Variants in CFAP74 observed in about 807,000 individuals in gnomAD.
The protein encoded by CFAP74 is cilia- and flagella-associated protein 74.
A neutral mutation model predicts 188.9 loss-of-function variants in CFAP74; 124 were observed. That is an observed-to-expected ratio of 0.66 (90% CI 0.57 to 0.76). CFAP74 has a LOEUF of 0.76. Among genes scored for constraint, CFAP74 ranks in the 30% least tolerant of loss-of-function variants. The probability of loss-of-function intolerance (pLI) is 0.00; values close to 1 mark genes in which losing one functional copy is unlikely to be tolerated. For missense variants in CFAP74, 2,198 were observed against 2,165.2 expected, an observed-to-expected ratio of 1.02 and a Z score of -0.30; for synonymous variants, 956 against 916.7, an observed-to-expected ratio of 1.04 and a Z score of -0.77.
At chr1:1,946,047 GTGTGTGCA>G (rs1558011352) in intron 20 of CFAP74, among the ~76,000 whole-genome samples, 5 of 152,148 alleles carry the variant, frequency 3.3e-5, no homozygotes, top group African/African-American at 7.2e-5. Context: ...TGGGCTCTGC[GTGTGTGCA>G]TGTGTGCATG....
At chr1:1,977,126 A>T (rs1365792930) in intron 6 of CFAP74, among the ~76,000 whole-genome samples, 1 of 151,998 alleles carries the variant, frequency 6.6e-6, no homozygotes, top group African/African-American at 2.4e-5. Context: ...GGGATTACAG[A>T]TGTGAGCCAC....
In CFAP74 at chr1:1,975,201, C is replaced by A. The variant is rs913673124; in HGVS notation, c.501-1003G>T. 6.6e-6 allele frequency among the ~76,000 whole-genome samples: 1 copy of A among 152,226 alleles called. No homozygotes were observed. The highest frequency in any genetic ancestry group is 1.5e-5 in the Non-Finnish European group (1 of 68,048). ...TGGAGCCGAGTCCAGTCTCTCTCCC[C>A]ACTGCAACACCCGGGGCAGGGGTCC... On this transcript the variant is annotated intron_variant, in intron 6 of 38. Transcript: ENST00000682832. This position sits in a 1 kb window ranked among gnomAD's most constrained non-coding sequence, Gnocchi z 4.5.
Position 1,973,962 on chromosome 1 carries a change from G to A in CFAP74, c.674+63C>T, listed in dbSNP as rs940677660. 2 of 1,420,972 alleles carry A rather than the reference G, an allele frequency of 1.4e-6. No individual in the cohort carries two copies. The highest frequency in any genetic ancestry group is 2.9e-5 in the African/African-American group (2 of 69,198). The allele number at this position is 1,420,972 out of a possible 1,614,324, so 88.0% of individuals were successfully genotyped here. ...GCTGAATCTGGAGACCCCTGGGGGA[G>A]AGGGCGGAGGGGCTGGCAGAAGCTG... On this transcript the variant is annotated intron_variant, in intron 7 of 38. Transcript: ENST00000682832. The surrounding 1 kb of genome is among the most constrained non-coding windows in gnomAD (Gnocchi z 6.2).
At position 1,926,209 on chromosome 1, in the gene CFAP74, G is replaced by A. The variant is rs900049640; in HGVS notation, c.3948+19C>T. On this transcript the variant is annotated intron_variant, in intron 32 of 38. Transcript: ENST00000682832. ...GGAGCCTTGGGCCGCAGTGTGGCCA[G>A]GGTGGGCCTGGGACTCACCAGGATG... The A allele has an allele frequency of 1.3e-6, 2 of 1,484,884 alleles. No homozygotes were observed. The highest frequency in any genetic ancestry group is 1.4e-5 in the South Asian group (1 of 73,422). 92.0% of individuals were successfully genotyped at this position (1,484,884 alleles called of 1,614,324 possible).
intron 14 of CFAP74, among the ~76,000 whole-genome samples, chr1:1,963,185 T>G (rs1365797875): frequency 6.6e-6 from 1 of 152,030 alleles, no homozygotes; most frequent in Non-Finnish European, 1.5e-5. Context: ...GTGTGGTGGC[T>G]CATGCCTGTA....
At chr1:1,994,769 G>A (rs1250479300) in intron 1 of CFAP74, among the ~76,000 whole-genome samples, 3 of 152,172 alleles carry the variant, frequency 2.0e-5, no homozygotes, top group East Asian at 1.9e-4. Context: ...CTGAGCATCC[G>A]GTTAAAGACG....
intron 1 of CFAP74, among the ~76,000 whole-genome samples, chr1:1,996,734 A>C (rs1424174273): frequency 6.6e-6 from 1 of 151,920 alleles, no homozygotes; most frequent in African/African-American, 2.4e-5. Flanking sequence ...CAGCCTGACC[A>C]ACATGGTGAA....
intron 6 of CFAP74, among the ~76,000 whole-genome samples, chr1:1,976,602 G>A (rs1285171859): frequency 6.6e-6 from 1 of 152,144 alleles, no homozygotes; most frequent in Non-Finnish European, 1.5e-5. Context: ...GAGTGCAGCG[G>A]CATGATTTCA....
intron 13 of CFAP74, 114 bp downstream of exon 13, chr1:1,964,774 A>G: frequency 9.0e-7 from 1 of 1,116,290 alleles, no homozygotes; most frequent in Non-Finnish European, 1.3e-6. Context: ...TGGGCGACAG[A>G]GTGAGACTCC....
intron 10 of CFAP74, 119 bp downstream of exon 10, chr1:1,970,540 A>G: frequency 8.5e-7 from 1 of 1,179,736 alleles, no homozygotes; most frequent in Non-Finnish European, 1.2e-6. Flanking sequence ...CAGCCGCCTG[A>G]GTGGGCGCCC....
chr1:1,966,143 C>T (rs987651356), intron 12 of CFAP74, among the ~76,000 whole-genome samples: 4 of 152,184 alleles, frequency 2.6e-5, no homozygotes, highest in East Asian at 1.9e-4. Context: ...AGCTTGGGGT[C>T]GTCGAGCACG....
At chr1:1,958,913 G>C (rs1166523999) in intron 16 of CFAP74, among the ~76,000 whole-genome samples, 2 of 152,162 alleles carry the variant, frequency 1.3e-5, no homozygotes, top group African/African-American at 4.8e-5. Context: ...ACTGGTCCGA[G>C]TGCCCCACGT....
chr1:1,952,020 T>C (rs1055425978), intron 18 of CFAP74, among the ~76,000 whole-genome samples: 4 of 152,160 alleles, frequency 2.6e-5, no homozygotes, highest in South Asian at 4.1e-4. Context: ...ACGAGAAGCA[T>C]AGCTCACTGC....
intron 18 of CFAP74, among the ~76,000 whole-genome samples, chr1:1,950,293 G>T (rs145840463): frequency 2.2e-4 from 33 of 150,586 alleles, no homozygotes; most frequent in Admixed American, 1.4e-3. Flanking sequence ...TCTCATCCAC[G>T]TACGTATCTT....
chr1:1,973,252 C>T lies in CFAP74; in HGVS notation c.675-205G>A, dbSNP rs1380793517. On this transcript the variant is annotated intron_variant, in intron 7 of 38. Transcript: ENST00000682832. The surrounding 1 kb of genome is among the most constrained non-coding windows in gnomAD (Gnocchi z 6.2). ...CACAGATGTCAAACTCTCCACGCTA[C>T]TGGGGCTCCAGTGCCAGGGAGCCAC... 6.6e-6 allele frequency among the ~76,000 whole-genome samples: 1 copy of T among 152,244 alleles called. No individual in the cohort carries two copies. Among genetic ancestry groups the T allele is most frequent in the Non-Finnish European group, 1.5e-5 (1 of 68,038 alleles).
At chr1:1,976,496 G>A (rs887607161) in intron 6 of CFAP74, among the ~76,000 whole-genome samples, 2 of 151,996 alleles carry the variant, frequency 1.3e-5, no homozygotes, top group East Asian at 1.9e-4. Context: ...ATGCCATCAC[G>A]TTCCCTGTAC....
chr1:1,938,270 C>T (rs1404766040), intron 25 of CFAP74, among the ~76,000 whole-genome samples: 3 of 151,972 alleles, frequency 2.0e-5, no homozygotes, highest in Admixed American at 2.0e-4. Flanking sequence ...ACCTTACACA[C>T]CCACATACAT....
At chr1:1,926,017 TTCTC>T (rs1180209127) in intron 32 of CFAP74, 79 bp from the exon 33 acceptor site, 1 of 1,466,014 alleles carries the variant, frequency 6.8e-7, no homozygotes, top group African/African-American at 1.4e-5. Context: ...GGGCAGTGGG[TTCTC>T]AACGCTGGAG....
At chr1:1,925,644 A>G (rs1651825153) in intron 33 of CFAP74, 139 bp downstream of exon 33, 1 of 855,378 alleles carries the variant, frequency 1.2e-6, no homozygotes, top group Admixed American at 2.9e-5. Flanking sequence ...AGCTGTGTAG[A>G]GGAGGGGTAG....
Sources: gnomAD v4.1 joint callset for allele counts (sites outside exome capture counted in the v4.1 genomes callset) on GRCh38, gnomAD v4.1.1 for gene constraint, Gnocchi (gnomAD v3.1) non-coding constraint, MANE v1.5 for transcripts, NCBI Gene and HGNC (gene_info 2026-07-23, HGNC 2026-07-21) for gene names.